CACNB2: variants seen among roughly 807,000 people sequenced by gnomAD.
CACNB2 encodes calcium voltage-gated channel auxiliary subunit beta 2, also known as voltage-dependent L-type calcium channel subunit beta-2.
A neutral mutation model predicts 73.3 loss-of-function variants in CACNB2; 42 were observed. The observed-to-expected ratio is 0.57, with a 90% CI of 0.45 to 0.74. The LOEUF is 0.74. CACNB2 is among the 30% of genes least tolerant of loss of function. CACNB2 has a pLI of 0.00. For synonymous variants in CACNB2, 348 were observed against 310.3 expected, an observed-to-expected ratio of 1.12 and a Z score of -1.28; for missense variants, 940 against 853.0, an observed-to-expected ratio of 1.10 and a Z score of -1.27.
chr10:18,352,265 G>C (rs2041741305), intron 2 of CACNB2, among the ~76,000 whole-genome samples: 1 of 152,230 alleles, frequency 6.6e-6, no homozygotes, highest in South Asian at 2.1e-4. Context: ...TCCCATGACA[G>C]GGCTCCTCTG....
intron 3 of CACNB2, among the ~76,000 whole-genome samples, chr10:18,479,681 G>A (rs953246319): frequency 3.8e-5 from 5 of 131,940 alleles, no homozygotes; most frequent in African/African-American, 1.4e-4. Context: ...GTTTAAAAGT[G>A]CGTGTGTCTC....
At chr10:18,279,017 A>G (rs1188857941) in intron 2 of CACNB2, among the ~76,000 whole-genome samples, 1 of 152,128 alleles carries the variant, frequency 6.6e-6, no homozygotes, top group Non-Finnish European at 1.5e-5. Context: ...ATCCTGTCTT[A>G]CAAAAAAAAA....
At chr10:18,451,426 G>A (rs75746894) in intron 3 of CACNB2, among the ~76,000 whole-genome samples, 4,393 of 152,224 alleles carry the variant, frequency 0.029, 79 homozygotes, top group East Asian at 0.092. Flanking sequence ...TGCAGTCATG[G>A]ATAGAGAGTT....
At chr10:18,456,578 GC>G (rs762225140) in intron 3 of CACNB2, among the ~76,000 whole-genome samples, 1 of 152,020 alleles carries the variant, frequency 6.6e-6, no homozygotes, top group Non-Finnish European at 1.5e-5. Flanking sequence ...CTCCCACCAG[GC>G]CCCACCTCCA....
chr10:18,436,134 C>T (rs1284210923), intron 3 of CACNB2, among the ~76,000 whole-genome samples: 3 of 152,182 alleles, frequency 2.0e-5, no homozygotes, highest in Non-Finnish European at 1.5e-5. Context: ...TTGGCTATTA[C>T]CTTGAAAATC....
In CACNB2 at chr10:18,539,507, A is replaced by G. The variant is rs2053936257; in HGVS notation, c.1766A>G (p.Asn589Ser). 6 of 1,614,020 alleles carry G rather than the reference A, an allele frequency of 3.7e-6. No homozygotes were observed. The highest frequency in any genetic ancestry group is 5.1e-6 in the Non-Finnish European group (6 of 1,179,998). Residue 589 changes from asparagine (N) to serine (S), a missense_variant, in exon 14 of 14, where the codon AAC (asparagine) becomes AGC (serine). By Grantham distance (46) the Asn-to-Ser change is conservative. Transcript: ENST00000324631. The part of the protein sequence containing the change: ...VDHYASHRDH[N>S]HRDETHGSSD... ...CACTATGCCTCACACCGTGACCACAACCACAGAGACGAGACCCACGGGAGC... is the reference window on the plus strand; with the variant it reads ...CACTATGCCTCACACCGTGACCACAGCCACAGAGACGAGACCCACGGGAGC...
chr10:18,470,391 T>C (rs2048119825), intron 3 of CACNB2, among the ~76,000 whole-genome samples: 1 of 149,554 alleles, frequency 6.7e-6, no homozygotes, highest in South Asian at 2.1e-4. Context: ...GACTATGATA[T>C]ACAGCATGTG....
At chr10:18,141,159 G>T (rs753004223) in intron 1 of CACNB2, 1 of 1,550,750 alleles carries the variant, frequency 6.4e-7, no homozygotes, top group Non-Finnish European at 8.7e-7. Context: ...GCCCCTTCCC[G>T]GGAGAGGCAC....
At chr10:18,276,585 A>AT (rs35000700) in intron 2 of CACNB2, among the ~76,000 whole-genome samples, 33,860 of 147,988 alleles carry the variant, frequency 0.23, 3,733 homozygotes, top group East Asian at 0.28. Context: ...AGGCAAAAGG[A>AT]TTTTTTTTTT....
intron 3 of CACNB2, among the ~76,000 whole-genome samples, chr10:18,453,639 T>C (rs915634082): frequency 1.3e-5 from 2 of 152,230 alleles, no homozygotes; most frequent in Non-Finnish European, 2.9e-5. Flanking sequence ...TCTTGCCTTA[T>C]TTTATTTTGA....
At chr10:18,252,659 T>C (rs1167024101) in intron 2 of CACNB2, among the ~76,000 whole-genome samples, 3 of 152,218 alleles carry the variant, frequency 2.0e-5, no homozygotes, top group African/African-American at 4.8e-5. Context: ...TGTAGGTAGA[T>C]GAAATATGGT....
intron 2 of CACNB2, among the ~76,000 whole-genome samples, chr10:18,294,385 T>A (rs1027248954): frequency 1.3e-5 from 2 of 152,178 alleles, no homozygotes; most frequent in Non-Finnish European, 2.9e-5. Flanking sequence ...GTACAAGGGT[T>A]CGACATTCAT....
intron 2 of CACNB2, among the ~76,000 whole-genome samples, chr10:18,174,259 C>T (rs533800030): frequency 7.9e-6 from 1 of 126,938 alleles, no homozygotes; most frequent in Non-Finnish European, 1.7e-5. Context: ...CCTTCCCTTC[C>T]CTCCCTCCCT....
At chr10:18,408,382 G>A (rs2044416455) in intron 3 of CACNB2, among the ~76,000 whole-genome samples, 2 of 151,802 alleles carry the variant, frequency 1.3e-5, no homozygotes, top group African/African-American at 4.8e-5. Flanking sequence ...GGGACTACAG[G>A]TGTGCACCAC....
At chr10:18,385,417 T>C (rs185261375) in intron 2 of CACNB2, among the ~76,000 whole-genome samples, 1 of 131,916 alleles carries the variant, frequency 7.6e-6, no homozygotes, top group Non-Finnish European at 1.5e-5. Context: ...ACTTAAATGT[T>C]CTAGAGCTAG....
intron 2 of CACNB2, among the ~76,000 whole-genome samples, chr10:18,180,084 G>T (rs942167228): frequency 3.3e-5 from 5 of 152,172 alleles, no homozygotes; most frequent in African/African-American, 1.2e-4. Context: ...TAGCGTATCA[G>T]CGTGTATTTA....
At chr10:18,467,506 G>C (rs1031179175) in intron 3 of CACNB2, among the ~76,000 whole-genome samples, 2 of 152,232 alleles carry the variant, frequency 1.3e-5, no homozygotes, top group Admixed American at 6.5e-5. Flanking sequence ...AGTAAGACTA[G>C]ACCTACGTAA....
intron 2 of CACNB2, among the ~76,000 whole-genome samples, chr10:18,305,968 T>A (rs1433066230): frequency 2.0e-5 from 3 of 151,872 alleles, no homozygotes; most frequent in Non-Finnish European, 4.4e-5. Flanking sequence ...ACCCCATCTC[T>A]AAAAAAAGGA....
At chr10:18,301,349 C>G (rs1323456733) in intron 2 of CACNB2, among the ~76,000 whole-genome samples, 3 of 152,078 alleles carry the variant, frequency 2.0e-5, no homozygotes, top group Non-Finnish European at 4.4e-5. Flanking sequence ...AATCCCAGCA[C>G]TTTAGGAGGC....
Sources: allele counts gnomAD v4.1 joint callset (sites outside exome capture counted in the v4.1 genomes callset), GRCh38; gene constraint gnomAD v4.1.1; transcripts MANE v1.5; gene names NCBI Gene and HGNC (gene_info 2026-07-23, HGNC 2026-07-21).